Variants in GABRB3 observed in about 807,000 individuals in gnomAD.
GABRB3 encodes the protein gamma-aminobutyric acid type A receptor subunit beta3.
GABRB3 carries 14 observed loss-of-function variants against 52.1 expected under a neutral mutation model. The observed-to-expected ratio is 0.27, with a 90% CI of 0.18 to 0.42. GABRB3 has a LOEUF of 0.42. Among genes scored for constraint, GABRB3 ranks in the 10% least tolerant of loss-of-function variants. The pLI, the probability that GABRB3 is intolerant of heterozygous loss-of-function variation, is 1.00. For missense variants in GABRB3, 307 were observed against 609.1 expected (o/e 0.50, Z 5.22); for synonymous variants, 260 against 232.3 (o/e 1.12, Z -1.08).
intron 3 of GABRB3, among the ~76,000 whole-genome samples, chr15:26,703,096 T>C (rs1011710557): frequency 6.6e-6 from 1 of 152,226 alleles, no homozygotes; most frequent in Admixed American, 6.5e-5. Context: ...CATCAGGATC[T>C]AATCACCTCC....
intron 3 of GABRB3, among the ~76,000 whole-genome samples, chr15:26,678,447 C>T (rs1458084987): frequency 1.3e-5 from 2 of 152,096 alleles, no homozygotes; most frequent in African/African-American, 4.8e-5. Context: ...CTGCCCAGGC[C>T]CCGTGCTCTT....
chr15:26,629,883 G>C (rs895065224), intron 3 of GABRB3, among the ~76,000 whole-genome samples: 11 of 152,086 alleles, frequency 7.2e-5, no homozygotes, highest in African/African-American at 2.7e-4. Context: ...TTGTTAGCAC[G>C]TGTCTCCATA....
chr15:26,770,845 C>G (rs925360216), intron 3 of GABRB3, among the ~76,000 whole-genome samples: 3 of 152,102 alleles, frequency 2.0e-5, no homozygotes, highest in South Asian at 2.1e-4. Flanking sequence ...AAACATAAAA[C>G]AAACATTTTG....
In GABRB3 at chr15:26,635,060, A is replaced by G. The variant is rs77366251; in HGVS notation, c.241-13526T>C. On this transcript the variant is annotated intron_variant, in intron 3 of 8. Coordinates refer to ENST00000311550, the MANE Select transcript of GABRB3 (RefSeq NM_000814.6). ...AGAGAGAGACTTTATATGTTGAAAC[A>G]TATGTGTACTAATCAAAGCCATAGT... Among the ~76,000 whole-genome samples, 671 of 143,864 alleles carry G rather than the reference A, an allele frequency of 4.7e-3. 6 individuals carry two copies. The highest frequency in any genetic ancestry group is 0.016 in the African/African-American group (632 of 39,230). The allele number at this position is 143,864 out of a possible 152,430, so 94.4% of individuals were successfully genotyped here.
chr15:26,552,259 G>A (rs934059910), intron 8 of GABRB3, among the ~76,000 whole-genome samples: 10 of 151,946 alleles, frequency 6.6e-5, no homozygotes, highest in East Asian at 1.9e-4. Flanking sequence ...CTCCCGCCTC[G>A]GCCTCCCAAA....
intron 3 of GABRB3, among the ~76,000 whole-genome samples, chr15:26,635,640 C>T (rs1380012561): frequency 6.6e-6 from 1 of 152,110 alleles, no homozygotes; most frequent in South Asian, 2.1e-4. Flanking sequence ...GTTTTTTACT[C>T]CCTTTCATTT....
chr15:26,670,429 G>C (rs1036627457), intron 3 of GABRB3, among the ~76,000 whole-genome samples: 2 of 152,188 alleles, frequency 1.3e-5, no homozygotes, highest in Non-Finnish European at 2.9e-5. Flanking sequence ...TGGCTGCGGA[G>C]GGGCGCGGGA....
intron 3 of GABRB3, among the ~76,000 whole-genome samples, chr15:26,727,823 GC>G (rs1307572105): frequency 1.3e-5 from 2 of 152,094 alleles, no homozygotes; most frequent in African/African-American, 4.8e-5. Context: ...GTTCATACAA[GC>G]CTTACTTGTT....
Position 26,628,929 on chromosome 15 carries a change from C to G in GABRB3, c.241-7395G>C, listed in dbSNP as rs540924786. 3 of 1,510,680 alleles carry G rather than the reference C, an allele frequency of 2.0e-6. No homozygotes were observed. The African/African-American group carries it at 4.1e-5, about 21-fold the overall frequency. 93.6% of individuals were successfully genotyped at this position (1,510,680 alleles called of 1,614,324 possible). On this transcript the variant is annotated intron_variant, in intron 3 of 8. Transcript: ENST00000311550. ...GGTGTGGGGGAGTCAGGTGCAAGAG[C>G]GCCTCCACTCCTTGTGACTGCCGAG...
chr15:26,644,874 C>T (rs1162629340), intron 3 of GABRB3, among the ~76,000 whole-genome samples: 1 of 152,172 alleles, frequency 6.6e-6, no homozygotes, highest in African/African-American at 2.4e-5. Flanking sequence ...GTGATGGAGA[C>T]TCACAGAAAA....
intron 4 of GABRB3, among the ~76,000 whole-genome samples, chr15:26,606,768 C>CGA (rs768804640): frequency 6.7e-5 from 6 of 89,844 alleles, no homozygotes; most frequent in African/African-American, 1.9e-4. Flanking sequence ...ATCTGTCTAT[C>CGA]TATAGATAGA....
In GABRB3 at chr15:26,752,229, T is replaced by TTTTATTTA. The variant is rs3078706; in HGVS notation, c.240+20165_240+20172dup. Among the ~76,000 whole-genome samples the TTTTATTTA allele has an allele frequency of 6.2e-3, 874 of 140,364 alleles. 4 individuals carry two copies. The highest frequency in any genetic ancestry group is 0.019 in the East Asian group (91 of 4,686). The allele number at this position is 140,364 out of a possible 152,430, so 92.1% of individuals were successfully genotyped here. A position where few individuals can be genotyped will look rare whatever the true frequency, so the allele number is the denominator to read the frequency against. The stretch of plus-strand genomic sequence containing the variant: ...CAGAATTGATCGCTTGCTCTCTTTA[T>TTTTATTTA]TTTATTTATTTATTTATTTATTTAT... On this transcript the variant is annotated intron_variant, in intron 3 of 8. Transcript: ENST00000311550.
chr15:26,638,908 G>C (rs980214488), intron 3 of GABRB3, among the ~76,000 whole-genome samples: 1 of 152,126 alleles, frequency 6.6e-6, no homozygotes, highest in African/African-American at 2.4e-5. Flanking sequence ...CGCTCCGCCG[G>C]GAACTAGGAA....
At chr15:26,664,088 C>T (rs1461478474) in intron 3 of GABRB3, among the ~76,000 whole-genome samples, 1 of 151,958 alleles carries the variant, frequency 6.6e-6, no homozygotes, top group Non-Finnish European at 1.5e-5. Flanking sequence ...ACTTTATTGC[C>T]CAGGTGGGAA....
At position 26,546,597 on chromosome 15, in the gene GABRB3, T is replaced by C. The variant is rs534526935; in HGVS notation, c.*1196A>G. On this transcript the variant is annotated 3_prime_UTR_variant, in exon 9 of 9. Transcript: ENST00000311550. ...TTATGAAATATGTCAGATACAGAAA[T>C]AAAGGCATGAGGATGATTCTTAGTT... The C allele has an allele frequency of 2.0e-5, 3 of 152,544 alleles. No homozygotes were observed. In the East Asian group the frequency reaches 5.8e-4, roughly 30 times the overall value. The allele number at this position is 152,544 out of a possible 1,614,324, so 9.4% of individuals were successfully genotyped here.
intron 3 of GABRB3, among the ~76,000 whole-genome samples, chr15:26,723,781 C>A (rs1434826912): frequency 6.6e-6 from 1 of 152,194 alleles, no homozygotes; most frequent in Admixed American, 6.5e-5. Context: ...TACCACATTT[C>A]TCTCTGATTA....
chr15:26,644,667 G>T (rs1209493946), intron 3 of GABRB3, among the ~76,000 whole-genome samples: 1 of 152,212 alleles, frequency 6.6e-6, no homozygotes, highest in Non-Finnish European at 1.5e-5. Context: ...CATTGCCATG[G>T]CAGCCCTAGC....
intron 3 of GABRB3, among the ~76,000 whole-genome samples, chr15:26,674,795 T>G (rs1038310105): frequency 1.3e-5 from 2 of 152,098 alleles, no homozygotes. Context: ...GGGAAAGGAT[T>G]TCAACAGAAA....
chr15:26,652,396 C>T (rs1439125357), intron 3 of GABRB3, among the ~76,000 whole-genome samples: 2 of 152,126 alleles, frequency 1.3e-5, no homozygotes, highest in Non-Finnish European at 2.9e-5. Flanking sequence ...AAGAATAAAC[C>T]TGTTTAAATG....
Sources: gnomAD v4.1 joint callset for allele counts (sites outside exome capture counted in the v4.1 genomes callset) on GRCh38, gnomAD v4.1.1 for gene constraint, MANE v1.5 for transcripts, NCBI Gene and HGNC (gene_info 2026-07-23, HGNC 2026-07-21) for gene names.